Variants in MAST4 observed in about 807,000 individuals in gnomAD.
The protein encoded by MAST4 is microtubule-associated serine/threonine-protein kinase 4.
A neutral mutation model predicts 162.7 loss-of-function variants in MAST4; 89 were observed. That is an observed-to-expected ratio of 0.55 (90% CI 0.46 to 0.65). The LOEUF (loss-of-function observed/expected upper bound fraction) is 0.65, where lower values mean the gene tolerates loss of function less well. MAST4 is among the 30% of genes least tolerant of loss of function. The pLI is 0.00. For missense variants in MAST4, 3,153 were observed against 3,374.0 expected (o/e 0.93, Z 1.62); for synonymous variants, 1,479 against 1,361.1 (o/e 1.09, Z -1.91).
intron 2 of MAST4, among the ~76,000 whole-genome samples, chr5:66,762,551 G>GTGTC (rs1229135961): frequency 1.3e-5 from 2 of 152,218 alleles, no homozygotes; most frequent in Admixed American, 6.5e-5. Context: ...TGTCAGGCTA[G>GTGTC]TGTCAGATGT....
At chr5:66,764,688 G>A (rs1464026439) in intron 2 of MAST4, among the ~76,000 whole-genome samples, 1 of 152,140 alleles carries the variant, frequency 6.6e-6, no homozygotes, top group East Asian at 1.9e-4. Context: ...ATATAAAGAA[G>A]AAAATGTTTT....
chr5:67,121,869 A>AT (rs979210419), intron 14 of MAST4, among the ~76,000 whole-genome samples: 126 of 146,464 alleles, frequency 8.6e-4, no homozygotes, highest in South Asian at 1.7e-3. Context: ...TAAAAATTTA[A>AT]TTTTTTTTTT....
intron 4 of MAST4, among the ~76,000 whole-genome samples, chr5:67,029,155 A>G (rs1281572011): frequency 1.3e-5 from 2 of 151,952 alleles, no homozygotes; most frequent in Non-Finnish European, 1.5e-5. Flanking sequence ...AGTCATATAC[A>G]TAAAGATTAA....
intron 1 of MAST4, among the ~76,000 whole-genome samples, chr5:66,756,706 A>C (rs1172136402): frequency 6.6e-6 from 1 of 152,222 alleles, no homozygotes; most frequent in Non-Finnish European, 1.5e-5. Context: ...CCGTTTTGAG[A>C]AGCTTTGACT....
chr5:66,864,742 G>T (rs58111385), intron 3 of MAST4, among the ~76,000 whole-genome samples: 1 of 151,636 alleles, frequency 6.6e-6, no homozygotes, highest in South Asian at 2.1e-4. Context: ...AATTAGGCTT[G>T]GAACAGTTCC....
At chr5:66,835,149 C>T (rs1444873327) in intron 3 of MAST4, among the ~76,000 whole-genome samples, 1 of 152,176 alleles carries the variant, frequency 6.6e-6, no homozygotes, top group East Asian at 1.9e-4. Context: ...TGTGAGAAAA[C>T]ATCTTTGTGC....
At chr5:67,160,637 T>C (rs763374912) in intron 27 of MAST4, 45 bp downstream of exon 27, 4 of 1,578,350 alleles carry the variant, frequency 2.5e-6, no homozygotes, top group African/African-American at 1.4e-5. Flanking sequence ...TATACCTATG[T>C]TGGGGAAAAG....
chr5:66,859,385 GT>G (rs1242380528), intron 3 of MAST4, among the ~76,000 whole-genome samples: 1 of 152,070 alleles, frequency 6.6e-6, no homozygotes, highest in Non-Finnish European at 1.5e-5. Context: ...AAATACTGGA[GT>G]TTTTGTTGGT....
intron 3 of MAST4, among the ~76,000 whole-genome samples, chr5:66,822,467 G>T (rs568425047): frequency 5.3e-5 from 8 of 152,338 alleles, no homozygotes; most frequent in Non-Finnish European, 1.0e-4. Context: ...CCACTTGATT[G>T]TAAATAAATG....
intron 4 of MAST4, among the ~76,000 whole-genome samples, chr5:66,931,899 G>T (rs941749363): frequency 3.3e-5 from 5 of 152,066 alleles, no homozygotes; most frequent in African/African-American, 1.2e-4. Context: ...AAAAGTACAT[G>T]GAAGGAGCCC....
intron 4 of MAST4, among the ~76,000 whole-genome samples, chr5:67,011,012 C>CA (rs1752605758): frequency 6.6e-6 from 1 of 152,200 alleles, no homozygotes; most frequent in African/African-American, 2.4e-5. Flanking sequence ...TCCCCTTACT[C>CA]ACTGTTGCTC....
intron 4 of MAST4, among the ~76,000 whole-genome samples, chr5:67,022,876 C>CT (rs11374395): frequency 0.26 from 38,313 of 147,896 alleles, 5,186 homozygotes; most frequent in African/African-American, 0.32. Flanking sequence ...GCAACAGTAG[C>CT]TTTTTTTTTT....
At chr5:66,872,620 G>A (rs1186890566) in intron 3 of MAST4, among the ~76,000 whole-genome samples, 2 of 152,176 alleles carry the variant, frequency 1.3e-5, no homozygotes, top group African/African-American at 4.8e-5. Context: ...TAGCTCAGTA[G>A]CATCGAGGTG....
chr5:66,660,409 A>T (rs1380688985), intron 1 of MAST4, among the ~76,000 whole-genome samples: 1 of 152,148 alleles, frequency 6.6e-6, no homozygotes, highest in Non-Finnish European at 1.5e-5. Flanking sequence ...GCTTGTGAAG[A>T]CATAGAGATG....
chr5:66,858,199 T>C (rs1417178532), intron 3 of MAST4, among the ~76,000 whole-genome samples: 1 of 152,174 alleles, frequency 6.6e-6, no homozygotes, highest in African/African-American at 2.4e-5. Context: ...CCATCTCTAC[T>C]AAAGATGGTT....
intron 4 of MAST4, among the ~76,000 whole-genome samples, chr5:67,046,485 T>C (rs1331357837): frequency 1.3e-5 from 2 of 152,236 alleles, no homozygotes; most frequent in African/African-American, 2.4e-5. Flanking sequence ...GAATCAGTCT[T>C]ATCTCTCCTT....
intron 5 of MAST4, among the ~76,000 whole-genome samples, chr5:67,073,364 T>G (rs1761200711): frequency 6.6e-6 from 1 of 152,100 alleles, no homozygotes; most frequent in Non-Finnish European, 1.5e-5. Context: ...GAGTTTAGCT[T>G]AAAAACTCAA....
intron 4 of MAST4, among the ~76,000 whole-genome samples, chr5:67,038,493 C>T (rs1756316130): frequency 6.6e-6 from 1 of 152,042 alleles, no homozygotes; most frequent in Non-Finnish European, 1.5e-5. Context: ...GGTGGAGTAA[C>T]GTGGCTACTT....
In MAST4 at chr5:66,733,098, G is replaced by C. The variant is rs1173757215; in HGVS notation, c.364-26611G>C. On this transcript the variant is annotated intron_variant, in intron 1 of 28. Coordinates refer to ENST00000403625, the MANE Select transcript of MAST4 (RefSeq NM_001164664.2). The stretch of plus-strand genomic sequence containing the variant: ...TCTCATTCCAAGGCCACATTCTCCA[G>C]AGCTACCAGGCAAATCTGTCCCAAC... Among the ~76,000 whole-genome samples the C allele has an allele frequency of 4.6e-5, 7 of 152,090 alleles. 1 individual carries two copies. Among genetic ancestry groups the C allele is most frequent in the Non-Finnish European group, 1.0e-4 (7 of 68,022 alleles).
Sources: gnomAD v4.1 joint callset for allele counts (sites outside exome capture counted in the v4.1 genomes callset) on GRCh38, gnomAD v4.1.1 for gene constraint, MANE v1.5 for transcripts, NCBI Gene and HGNC (gene_info 2026-07-23, HGNC 2026-07-21) for gene names.